The following SMG6 variants were observed in gnomAD, a reference collection of about 807,000 sequenced individuals.
SMG6 encodes telomerase-binding protein EST1A.
Under a neutral mutation model 142.2 loss-of-function variants are expected in SMG6, and 66 were observed. That is an observed-to-expected ratio of 0.46 (90% CI 0.38 to 0.57). The LOEUF (loss-of-function observed/expected upper bound fraction) is 0.57. SMG6 is among the 20% of genes least tolerant of loss of function. The pLI is 0.00. For synonymous variants in SMG6, 779 were observed against 702.4 expected (o/e 1.11, Z -1.72); for missense variants, 1,793 against 1,832.0 (o/e 0.98, Z 0.39).
chr17:2,134,686 T>C (rs1425762016), intron 13 of SMG6, among the ~76,000 whole-genome samples: 2 of 152,078 alleles, frequency 1.3e-5, no homozygotes, highest in Non-Finnish European at 2.9e-5. Context: ...ATGTTGGAGA[T>C]AATATTCTGA....
rs1296607264 is a variant in SMG6, at chr17:2,230,327, AAAAAAAAAAG to A, written c.2869+6155_2869+6164del. 2.3e-4 allele frequency among the ~76,000 whole-genome samples: 28 copies of A among 119,866 alleles called. 2 individuals carry two copies. The highest frequency in any genetic ancestry group is 1.3e-3 in the South Asian group (4 of 3,094). The allele number at this position is 119,866 out of a possible 152,430, so 78.6% of individuals were successfully genotyped here. A position where few individuals can be genotyped will look rare whatever the true frequency, so the allele number is the denominator to read the frequency against. On this transcript the variant is annotated intron_variant, in intron 10 of 18. Coordinates refer to ENST00000263073, the MANE Select transcript of SMG6 (RefSeq NM_017575.5). ...GGGCAAAAAAAAAAAAAAAAAAAAA[AAAAAAAAAAG>A]GGAAAACCACAAACAATCAAATTGA...
intron 10 of SMG6, among the ~76,000 whole-genome samples, chr17:2,210,426 A>T (rs2072816198): frequency 6.6e-6 from 1 of 151,770 alleles, no homozygotes; most frequent in South Asian, 2.1e-4. Flanking sequence ...CCAGCTATGG[A>T]TGAGTCAATT....
intron 12 of SMG6, among the ~76,000 whole-genome samples, chr17:2,176,750 G>C (rs1488457368): frequency 6.6e-6 from 1 of 152,174 alleles, no homozygotes; most frequent in Non-Finnish European, 1.5e-5. Flanking sequence ...CACCAGGACG[G>C]CAGAGCCCTG....
At chr17:2,247,006 CA>C (rs1461755470) in intron 8 of SMG6, among the ~76,000 whole-genome samples, 5 of 152,194 alleles carry the variant, frequency 3.3e-5, no homozygotes, top group Admixed American at 3.3e-4. Flanking sequence ...GGAACAGCTG[CA>C]AAATAAATTG....
Position 2,283,674 on chromosome 17 carries a change from A to G in SMG6, c.2399T>C (p.Leu800Pro). The G allele has an allele frequency of 6.2e-7, 1 of 1,614,176 alleles. No individual in the cohort carries two copies. The highest frequency in any genetic ancestry group is 8.5e-7 in the Non-Finnish European group (1 of 1,180,032). The change falls in exon 7 of 19, where the codon CTG (leucine) becomes CCG (proline). Residue 800 changes from leucine (L) to proline (P), a missense_variant. By Grantham distance (98) the Leu-to-Pro change is moderately conservative. Coordinates refer to ENST00000263073, the MANE Select transcript of SMG6 (RefSeq NM_017575.5). Reference sequence around the variant, plus strand: ...GCTCATGAGACTCTCCTTGGCAGTCAGGATAGGGTTGCTGGCAGCTAAACT... The same window carrying G: ...GCTCATGAGACTCTCCTTGGCAGTCGGGATAGGGTTGCTGGCAGCTAAACT... ...MRSLAASNPI[L>P]TAKESLMSLF...
intron 13 of SMG6, among the ~76,000 whole-genome samples, chr17:2,099,669 G>A (rs1289464293): frequency 6.6e-6 from 1 of 152,158 alleles, no homozygotes; most frequent in Non-Finnish European, 1.5e-5. Context: ...GGAGACAAGA[G>A]AAGCTTTGTT....
intron 15 of SMG6, among the ~76,000 whole-genome samples, chr17:2,069,719 A>G (rs921297490): frequency 7.2e-5 from 11 of 152,240 alleles, no homozygotes; most frequent in African/African-American, 2.7e-4. Flanking sequence ...AGTCCGTGCA[A>G]TGTGATGAAT....
At chr17:2,151,592 C>T (rs1304065616) in intron 13 of SMG6, among the ~76,000 whole-genome samples, 2 of 152,208 alleles carry the variant, frequency 1.3e-5, no homozygotes, top group Admixed American at 1.3e-4. Flanking sequence ...TGATCCATGT[C>T]ACATGCACAA....
intron 8 of SMG6, among the ~76,000 whole-genome samples, chr17:2,248,131 G>T (rs993293979): frequency 6.6e-6 from 1 of 151,876 alleles, no homozygotes; most frequent in Non-Finnish European, 1.5e-5. Flanking sequence ...AAAATAAAAA[G>T]ATACTAACCC....
chr17:2,292,601 G>C lies in SMG6; in HGVS notation c.2288C>G (p.Pro763Arg). 1 of 1,613,870 alleles carries C rather than the reference G, an allele frequency of 6.2e-7. No individual in the cohort carries two copies. Among genetic ancestry groups the C allele is most frequent in the Non-Finnish European group, 8.5e-7 (1 of 1,179,990 alleles). Residue 763 changes from proline to arginine, a missense_variant, in exon 6 of 19, where the codon CCC (proline) becomes CGC (arginine). This residue lies in a region of SMG6 where 1,597 missense variants were observed against 1,584.6 expected (regional missense o/e 1.01). Transcript: ENST00000263073. ...CTGGTTATAGGGGCGCCCATTCTTG[G>C]GAGCAATGTGCTGGGCCTTCAGGTA... Reference protein sequence around the residue: ...SWYLKAQHIAPKNGRPYNQLA... With the variant: ...SWYLKAQHIARKNGRPYNQLA...
At chr17:2,105,824 G>A (rs1022058204) in intron 13 of SMG6, among the ~76,000 whole-genome samples, 3 of 152,198 alleles carry the variant, frequency 2.0e-5, no homozygotes, top group Admixed American at 2.0e-4. Context: ...ATGAATATAG[G>A]AAACTAGTAA....
rs1338772750 is a variant in SMG6, at chr17:2,143,762, G to C, written c.3357+28896C>G. Reference sequence around the variant, plus strand: ...CAATAAATTGATTAAAATTTAAAAAGGGTATTAAAACATCTTCACTCTTAT... The same window carrying C: ...CAATAAATTGATTAAAATTTAAAAACGGTATTAAAACATCTTCACTCTTAT... On this transcript the variant is annotated intron_variant, in intron 13 of 18. Transcript: ENST00000263073. 2.0e-5 allele frequency among the ~76,000 whole-genome samples: 3 copies of C among 152,232 alleles called. No individual in the cohort carries two copies. In the East Asian group the frequency reaches 5.8e-4, roughly 29 times the overall value.
At chr17:2,254,783 A>G (rs2074127327) in intron 8 of SMG6, among the ~76,000 whole-genome samples, 1 of 152,184 alleles carries the variant, frequency 6.6e-6, no homozygotes, top group Admixed American at 6.5e-5. Flanking sequence ...GCTGTGAACA[A>G]GGCAGAGATA....
chr17:2,093,034 A>T (rs980605982), intron 13 of SMG6, among the ~76,000 whole-genome samples: 1 of 152,124 alleles, frequency 6.6e-6, no homozygotes, highest in Non-Finnish European at 1.5e-5. Flanking sequence ...ATCTCTACTA[A>T]AAATACAAAA....
chr17:2,067,110 C>T (rs545121727), intron 16 of SMG6, among the ~76,000 whole-genome samples: 1 of 152,328 alleles, frequency 6.6e-6, no homozygotes, highest in Admixed American at 6.5e-5. Context: ...AGAGGCTGGC[C>T]TGTATGGCTG....
chr17:2,148,458 T>C (rs1352100918), intron 13 of SMG6, among the ~76,000 whole-genome samples: 1 of 152,272 alleles, frequency 6.6e-6, no homozygotes, highest in African/African-American at 2.4e-5. Context: ...TGCCACGTGC[T>C]ACGGCACGGA....
At chr17:2,116,748 A>C (rs1597410677) in intron 13 of SMG6, among the ~76,000 whole-genome samples, 1 of 152,218 alleles carries the variant, frequency 6.6e-6, no homozygotes, top group East Asian at 1.9e-4. Flanking sequence ...ACTCTGCCTC[A>C]AAAAAATAAA....
chr17:2,087,516 C>A (rs1490477364), intron 13 of SMG6: 1 of 1,037,632 alleles, frequency 9.6e-7, no homozygotes, highest in African/African-American at 1.7e-5. Context: ...AGTACTTTGA[C>A]CACCTTCACC....
At position 2,073,364 on chromosome 17, in the gene SMG6, G is replaced by A. The variant is rs534726701; in HGVS notation, c.3682-4433C>T. On this transcript the variant is annotated intron_variant, in intron 15 of 18. Coordinates refer to ENST00000263073, the MANE Select transcript of SMG6 (RefSeq NM_017575.5). ...CCCCCAAAGTGCTGGGATTACAGGCGTAAGCCACTGTGCCCAGCGTTTTTT... is the reference window on the plus strand; with the variant it reads ...CCCCCAAAGTGCTGGGATTACAGGCATAAGCCACTGTGCCCAGCGTTTTTT... 2.0e-5 allele frequency among the ~76,000 whole-genome samples: 3 copies of A among 152,130 alleles called. No homozygotes were observed. In the South Asian group the frequency reaches 6.2e-4, roughly 32 times the overall value.
Sources: gnomAD v4.1 joint callset for allele counts (sites outside exome capture counted in the v4.1 genomes callset) on GRCh38, gnomAD v4.1.1 for gene constraint, gnomAD v4.1.1 regional missense constraint, MANE v1.5 for transcripts, NCBI Gene and HGNC (gene_info 2026-07-23, HGNC 2026-07-21) for gene names.